Variants in ACBD6 observed in about 807,000 individuals in gnomAD.
The protein encoded by ACBD6 is acyl-CoA binding domain containing 6, also known as acyl-CoA-binding domain-containing protein 6.
A neutral mutation model predicts 37.2 loss-of-function variants in ACBD6; 28 were observed. That is an observed-to-expected ratio of 0.75 (90% CI 0.56 to 1.03). The LOEUF (loss-of-function observed/expected upper bound fraction) is 1.03. Ranked by LOEUF, ACBD6 falls within the 50% of genes least tolerant of loss-of-function variation. ACBD6 has a pLI of 0.00. For synonymous variants in ACBD6, 113 were observed against 126.8 expected, an observed-to-expected ratio of 0.89 and a Z score of 0.73; for missense variants, 340 against 337.4, an observed-to-expected ratio of 1.01 and a Z score of -0.06.
At chr1:180,389,560 C>A (rs1412833309) in intron 6 of ACBD6, among the ~76,000 whole-genome samples, 7 of 152,168 alleles carry the variant, frequency 4.6e-5, no homozygotes, top group African/African-American at 1.7e-4. Flanking sequence ...AGTTCTAGAT[C>A]CCTGAGGAAT....
At chr1:180,349,694 T>C (rs917311405) in intron 6 of ACBD6, among the ~76,000 whole-genome samples, 5 of 152,146 alleles carry the variant, frequency 3.3e-5, no homozygotes, top group Admixed American at 6.5e-5. Flanking sequence ...GTTAGAGTCG[T>C]ATGACCTTGT....
At chr1:180,427,627 C>T (rs1365563695) in intron 4 of ACBD6, among the ~76,000 whole-genome samples, 1 of 152,068 alleles carries the variant, frequency 6.6e-6, no homozygotes, top group African/African-American at 2.4e-5. Flanking sequence ...CATTTCAGTA[C>T]ATAAGAATTT....
chr1:180,318,107 A>G (rs1650886989), intron 6 of ACBD6, among the ~76,000 whole-genome samples: 1 of 141,604 alleles, frequency 7.1e-6, no homozygotes, highest in South Asian at 2.4e-4. Context: ...GGTTGCAGTG[A>G]GCTGAGATAG....
chr1:180,348,953 T>A (rs973169491), intron 6 of ACBD6, among the ~76,000 whole-genome samples: 4 of 152,168 alleles, frequency 2.6e-5, no homozygotes, highest in Non-Finnish European at 5.9e-5. Flanking sequence ...GGACAAAATA[T>A]CATTAGGAAT....
At chr1:180,464,340 T>C (rs995489039) in intron 3 of ACBD6, among the ~76,000 whole-genome samples, 3 of 152,120 alleles carry the variant, frequency 2.0e-5, no homozygotes, top group African/African-American at 4.8e-5. Flanking sequence ...TTCAGCAAAG[T>C]TGCAGGATAC....
intron 6 of ACBD6, among the ~76,000 whole-genome samples, chr1:180,366,698 A>G (rs1345641462): frequency 6.6e-6 from 1 of 152,216 alleles, no homozygotes; most frequent in Non-Finnish European, 1.5e-5. Flanking sequence ...AACTGATTAA[A>G]CAAAATTGTG....
At chr1:180,348,374 A>T (rs1447857603) in intron 6 of ACBD6, among the ~76,000 whole-genome samples, 1 of 152,192 alleles carries the variant, frequency 6.6e-6, no homozygotes, top group Non-Finnish European at 1.5e-5. Context: ...TGGTCCAAAA[A>T]ATGAACGGAA....
chr1:180,492,283 C>T lies in ACBD6; in HGVS notation c.370G>A (p.Gly124Ser), dbSNP rs770328871. ...TTAAGTCTTACCTGAGGATTCCAACCTGGATCTAGTTTTTTAACTACTGCG... is the reference window on the plus strand; with the variant it reads ...TTAAGTCTTACCTGAGGATTCCAACTTGGATCTAGTTTTTTAACTACTGCG... ...YIAVVKKLDPGWNPQIPEKKG... is the reference protein window; with the variant it reads ...YIAVVKKLDPSWNPQIPEKKG... The change falls in exon 3 of 8, where the codon GGT (glycine) becomes AGT (serine). Residue 124 changes from glycine to serine, a missense_variant. Gly to Ser is a moderately conservative substitution (Grantham distance 56). Transcript: ENST00000367595. 1 of 1,613,776 alleles carries T rather than the reference C, an allele frequency of 6.2e-7. No homozygotes were observed. Among genetic ancestry groups the T allele is most frequent in the Non-Finnish European group, 8.5e-7 (1 of 1,179,766 alleles).
Position 180,502,254 on chromosome 1 carries a change from A to C in ACBD6, c.13T>G (p.Phe5Val), listed in dbSNP as rs901903825. The C allele has an allele frequency of 1.2e-6, 2 of 1,613,166 alleles. No homozygotes were observed. The highest frequency in any genetic ancestry group is 1.7e-6 in the Non-Finnish European group (2 of 1,180,036). Reference sequence around the variant, plus strand: ...CCGGTGATGGCCCCCGCGGGCAGGAATGATGAAGCCATGTCTCCTTGCTCG... The same window carrying C: ...CCGGTGATGGCCCCCGCGGGCAGGACTGATGAAGCCATGTCTCCTTGCTCG... The part of the protein sequence containing the change: MASS[F>V]LPAGAITGDS... The change falls in exon 1 of 8, where the codon TTC (phenylalanine) becomes GTC (valine). Residue 5 changes from phenylalanine to valine, a missense_variant. Transcript: ENST00000367595.
chr1:180,278,690 A>G (rs1649191935), intron 9 of ACBD6: 1 of 151,728 alleles, frequency 6.6e-6, no homozygotes, highest in African/African-American at 2.4e-5. Flanking sequence ...GGGCTGCGGG[A>G]TTCCAGAAGT....
intron 6 of ACBD6, among the ~76,000 whole-genome samples, chr1:180,355,150 C>T (rs1338434590): frequency 6.6e-6 from 1 of 152,152 alleles, no homozygotes; most frequent in Non-Finnish European, 1.5e-5. Flanking sequence ...CTCATCCAAC[C>T]ACCTTATGAA....
At chr1:180,397,648 G>T (rs922035192) in intron 5 of ACBD6, 43 bp from the exon 6 acceptor site, 25 of 1,458,910 alleles carry the variant, frequency 1.7e-5, no homozygotes, top group Non-Finnish European at 2.3e-5. Context: ...CTCAGTTGTG[G>T]AGCCATGTAA....
chr1:180,417,699 G>A (rs551490328), intron 4 of ACBD6, among the ~76,000 whole-genome samples: 8 of 152,054 alleles, frequency 5.3e-5, no homozygotes, highest in African/African-American at 1.9e-4. Context: ...CTTGATCTAC[G>A]GATCTTTTTT....
chr1:180,464,926 T>C (rs1353683784), intron 3 of ACBD6, among the ~76,000 whole-genome samples: 1 of 151,898 alleles, frequency 6.6e-6, no homozygotes, highest in African/African-American at 2.4e-5. Flanking sequence ...ACAAAAGCAA[T>C]GAGGAAAAGA....
rs189840924 is a variant in ACBD6 at position 180,430,891 on chromosome 1, T to C, written c.385-629A>G. 1.6e-3 allele frequency among the ~76,000 whole-genome samples: 241 copies of C among 152,262 alleles called. 1 individual carries two copies. Among genetic ancestry groups the C allele is most frequent in the African/African-American group, 5.5e-3 (230 of 41,552 alleles). On this transcript the variant is annotated intron_variant, in intron 3 of 7. Coordinates refer to ENST00000367595, the MANE Select transcript of ACBD6 (RefSeq NM_032360.4). ...AATTAATTTAGTAATAAGATTCTTC[T>C]AAAACATGTAATGTGGAAGCAATGA...
intron 6 of ACBD6, among the ~76,000 whole-genome samples, chr1:180,325,201 C>T (rs1262581732): frequency 1.3e-5 from 2 of 152,148 alleles, no homozygotes; most frequent in African/African-American, 2.4e-5. Flanking sequence ...GTCTCTTTCT[C>T]GATCTCCTCC....
intron 6 of ACBD6, among the ~76,000 whole-genome samples, chr1:180,345,810 TACC>T (rs1402151667): frequency 6.6e-6 from 1 of 152,218 alleles, no homozygotes; most frequent in Admixed American, 6.5e-5. Flanking sequence ...TTTAAAAACC[TACC>T]ACAATGTAAA....
intron 6 of ACBD6, among the ~76,000 whole-genome samples, chr1:180,385,314 T>G (rs967485643): frequency 1.3e-5 from 2 of 150,538 alleles, no homozygotes; most frequent in African/African-American, 4.9e-5. Flanking sequence ...AGCAAGCTGG[T>G]AGACTTAAAC....
At chr1:180,312,990 A>C (rs1003645503) in intron 7 of ACBD6, among the ~76,000 whole-genome samples, 1 of 152,188 alleles carries the variant, frequency 6.6e-6, no homozygotes, top group Non-Finnish European at 1.5e-5. Flanking sequence ...ATGAGTGTTG[A>C]ACATCCTCAA....
Sources: gnomAD v4.1 joint callset for allele counts (sites outside exome capture counted in the v4.1 genomes callset) on GRCh38, gnomAD v4.1.1 for gene constraint, MANE v1.5 for transcripts, NCBI Gene and HGNC (gene_info 2026-07-23, HGNC 2026-07-21) for gene names.